Variants in MAPRE3 observed in about 807,000 individuals in gnomAD.
MAPRE3 encodes microtubule associated protein RP/EB family member 3.
A neutral mutation model predicts 30.5 loss-of-function variants in MAPRE3; 2 were observed. That is an observed-to-expected ratio of 0.07 (90% CI 0.03 to 0.21). The LOEUF is 0.21. Ranked by LOEUF, MAPRE3 falls within the 10% of genes least tolerant of loss-of-function variation. The pLI is 1.00. For missense variants in MAPRE3, 204 were observed against 351.8 expected, an observed-to-expected ratio of 0.58 and a Z score of 3.36; for synonymous variants, 110 against 127.7, an observed-to-expected ratio of 0.86 and a Z score of 0.93.
chr2:27,017,105 C>T (rs1415942584), intron 1 of MAPRE3, among the ~76,000 whole-genome samples: 1 of 152,210 alleles, frequency 6.6e-6, no homozygotes, highest in African/African-American at 2.4e-5. Flanking sequence ...ATTAAAAGGG[C>T]ATCCTGCCCT....
chr2:26,990,899 G>T (rs1307310157), intron 1 of MAPRE3, among the ~76,000 whole-genome samples: 1 of 152,136 alleles, frequency 6.6e-6, no homozygotes, highest in Admixed American at 6.5e-5. Context: ...AGGCTATTCT[G>T]CCTGTCACCA....
In MAPRE3 at chr2:26,997,286, A is replaced by G. The variant is rs1305827884; in HGVS notation, c.-7-24926A>G. 2.0e-5 allele frequency among the ~76,000 whole-genome samples: 3 copies of G among 152,200 alleles called. No individual in the cohort carries two copies. The East Asian group carries it at 5.8e-4, about 29-fold the overall frequency. On this transcript the variant is annotated intron_variant, in intron 1 of 6. Transcript: ENST00000233121. ...GTCCAATCCGCAGCCCATGGGTCGC[A>G]TGCAGCCCAGGACAGCTTTGAATGT...
Position 26,985,451 on chromosome 2 carries a change from T to G in MAPRE3, c.-8+14649T>G, listed in dbSNP as rs182318980. Among the ~76,000 whole-genome samples the G allele has an allele frequency of 4.7e-4, 71 of 152,330 alleles. No homozygotes were observed. Among genetic ancestry groups the G allele is most frequent in the African/African-American group, 1.7e-3 (69 of 41,572 alleles). ...GCAGTAATGTGGCAGAAGCAGGCCCTGGAGACCCTCCCCACTTGCTCAGGT... is the reference window on the plus strand; with the variant it reads ...GCAGTAATGTGGCAGAAGCAGGCCCGGGAGACCCTCCCCACTTGCTCAGGT... On this transcript the variant is annotated intron_variant, in intron 1 of 6. Transcript: ENST00000233121. This position sits in a 1 kb window ranked among gnomAD's most constrained non-coding sequence, Gnocchi z 4.2.
rs1177792233 is a variant in MAPRE3, at chr2:27,025,774, G to A, written c.624+37G>A. The stretch of plus-strand genomic sequence containing the variant: ...GGGTAAGGGTAGCTGAGATAGCCCT[G>A]TCACCAAAGCCAGGCCCTTGGGGTG... On this transcript the variant is annotated intron_variant, in intron 5 of 6. Transcript: ENST00000233121. 3 of 1,614,016 alleles carry A rather than the reference G, an allele frequency of 1.9e-6. No homozygotes were observed. The East Asian group carries it at 6.7e-5, about 36-fold the overall frequency.
intron 1 of MAPRE3, among the ~76,000 whole-genome samples, chr2:27,008,326 ATGC>A (rs1666774940): frequency 1.3e-5 from 2 of 152,230 alleles, no homozygotes; most frequent in African/African-American, 4.8e-5. Flanking sequence ...ACAGTGGCGC[ATGC>A]CTGTAATCCC....
At chr2:27,007,328 T>A (rs1666753321) in intron 1 of MAPRE3, among the ~76,000 whole-genome samples, 1 of 152,206 alleles carries the variant, frequency 6.6e-6, no homozygotes, top group Non-Finnish European at 1.5e-5. Flanking sequence ...GGTTAAGTTA[T>A]CCTGTGATTA....
Position 27,015,070 on chromosome 2 carries a change from T to A in MAPRE3, c.-7-7142T>A, listed in dbSNP as rs1225814569. On this transcript the variant is annotated intron_variant, in intron 1 of 6. Coordinates refer to ENST00000233121, the MANE Select transcript of MAPRE3 (RefSeq NM_012326.4). This position sits in a 1 kb window ranked among gnomAD's most constrained non-coding sequence, Gnocchi z 4.0. ...TCAGAGCCCAGCTTTGGGAAGCCCA[T>A]GTGGCTGTCTCAAGGCAAAGCAGCA... 1 of 152,278 alleles carries A rather than the reference T, an allele frequency of 6.6e-6. No individual in the cohort carries two copies. The highest frequency in any genetic ancestry group is 1.5e-5 in the Non-Finnish European group (1 of 68,082). The allele number at this position is 152,278 out of a possible 1,614,324, so 9.4% of individuals were successfully genotyped here.
intron 1 of MAPRE3, among the ~76,000 whole-genome samples, chr2:26,993,614 G>A (rs1200245735): frequency 2.0e-5 from 3 of 152,132 alleles, no homozygotes; most frequent in Admixed American, 6.5e-5. Flanking sequence ...GGGAGGTCGG[G>A]AGGATGTGTA....
chr2:26,996,395 G>C (rs537892125), intron 1 of MAPRE3, among the ~76,000 whole-genome samples: 1 of 151,964 alleles, frequency 6.6e-6, no homozygotes, highest in East Asian at 1.9e-4. Flanking sequence ...GGGCTCAAGC[G>C]ATATTCCTGC....
At chr2:27,023,593 C>G (rs753058376) in intron 3 of MAPRE3, 116 bp downstream of exon 3, 8 of 1,261,532 alleles carry the variant, frequency 6.3e-6, no homozygotes, top group Non-Finnish European at 8.0e-6. Context: ...GTGCCTCCCT[C>G]CACCTCCCGA....
chr2:26,990,584 T>A (rs550654569), intron 1 of MAPRE3, among the ~76,000 whole-genome samples: 1 of 152,298 alleles, frequency 6.6e-6, no homozygotes, highest in South Asian at 2.1e-4. Flanking sequence ...TTTGATTCAG[T>A]TTTTCTTAAA....
At chr2:27,021,575 C>A (rs1667111080) in intron 1 of MAPRE3, among the ~76,000 whole-genome samples, 1 of 152,198 alleles carries the variant, frequency 6.6e-6, no homozygotes, top group African/African-American at 2.4e-5. Flanking sequence ...GTTACTGTCG[C>A]TTAAAACCCT....
chr2:27,000,792 C>T (rs1350300747), intron 1 of MAPRE3, among the ~76,000 whole-genome samples: 1 of 152,230 alleles, frequency 6.6e-6, no homozygotes, highest in Non-Finnish European at 1.5e-5. Context: ...CTTGTAAAAC[C>T]AGGGCTCCAG....
In MAPRE3 at chr2:27,026,478, A is replaced by G. The variant is rs904089057; in HGVS notation, c.*130A>G. ...GTCAGTGCTGCAGCACTGGGGAGCC[A>G]GGCGAGGGGGGCTTGGGGGCATGGG... On this transcript the variant is annotated 3_prime_UTR_variant, in exon 7 of 7. Coordinates refer to ENST00000233121, the MANE Select transcript of MAPRE3 (RefSeq NM_012326.4). 1.8e-5 allele frequency: 14 copies of G among 770,134 alleles called. No individual in the cohort carries two copies. The African/African-American group carries it at 1.9e-4, about 11-fold the overall frequency. 47.7% of individuals were successfully genotyped at this position (770,134 alleles called of 1,614,324 possible).
At chr2:27,018,911 A>T (rs1558385951) in intron 1 of MAPRE3, among the ~76,000 whole-genome samples, 1 of 150,904 alleles carries the variant, frequency 6.6e-6, no homozygotes, top group African/African-American at 2.4e-5. Context: ...TTATTTATTT[A>T]TTTATTTATT....
chr2:27,019,558 C>T (rs1200857505), intron 1 of MAPRE3, among the ~76,000 whole-genome samples: 1 of 152,184 alleles, frequency 6.6e-6, no homozygotes, highest in Non-Finnish European at 1.5e-5. Flanking sequence ...CAATGGTGAG[C>T]GCAAGGGCCA....
chr2:27,016,043 C>G (rs1666975497), intron 1 of MAPRE3, among the ~76,000 whole-genome samples: 1 of 152,236 alleles, frequency 6.6e-6, no homozygotes, highest in South Asian at 2.1e-4. Context: ...CCAGATTAAA[C>G]CTCCTCAACT....
intron 1 of MAPRE3, among the ~76,000 whole-genome samples, chr2:26,979,314 A>G (rs1437819986): frequency 6.6e-6 from 1 of 152,212 alleles, no homozygotes; most frequent in Admixed American, 6.5e-5. Flanking sequence ...GTCTAGGTGC[A>G]ATGGCTCACG....
At chr2:26,979,164 A>G (rs1666068665) in intron 1 of MAPRE3, among the ~76,000 whole-genome samples, 2 of 152,234 alleles carry the variant, frequency 1.3e-5, no homozygotes, top group Admixed American at 1.3e-4. Flanking sequence ...GAGACTCATC[A>G]GAGGACAGCT....
Sources: gnomAD v4.1 joint callset for allele counts (sites outside exome capture counted in the v4.1 genomes callset) on GRCh38, gnomAD v4.1.1 for gene constraint, Gnocchi (gnomAD v3.1) non-coding constraint, MANE v1.5 for transcripts, NCBI Gene and HGNC (gene_info 2026-07-23, HGNC 2026-07-21) for gene names.